The following NCKIPSD variants were observed in gnomAD, a reference collection of about 807,000 sequenced individuals.
NCKIPSD encodes the protein NCK interacting protein with SH3 domain.
A neutral mutation model predicts 73.4 loss-of-function variants in NCKIPSD; 48 were observed. The observed-to-expected ratio is 0.65, with a 90% CI of 0.52 to 0.83. The LOEUF (loss-of-function observed/expected upper bound fraction) is 0.83. NCKIPSD is among the 40% of genes least tolerant of loss of function. The pLI is 0.00. For missense variants in NCKIPSD, 884 were observed against 970.2 expected (o/e 0.91, Z 1.18); for synonymous variants, 422 against 403.6 (o/e 1.05, Z -0.54).
chr3:48,677,127 A>G (rs1391157352), intron 12 of NCKIPSD, among the ~76,000 whole-genome samples: 2 of 149,872 alleles, frequency 1.3e-5, no homozygotes, highest in Non-Finnish European at 3.0e-5. Flanking sequence ...GGTGGCTCAC[A>G]CCTGTAATCC....
At chr3:48,684,128 G>A (rs773399204) in intron 1 of NCKIPSD, among the ~76,000 whole-genome samples, 1 of 152,156 alleles carries the variant, frequency 6.6e-6, no homozygotes, top group Non-Finnish European at 1.5e-5. Flanking sequence ...GCCAGAGTGT[G>A]GGGGGAGCCG....
At chr3:48,683,652 A>G (rs2077389915) in intron 1 of NCKIPSD, among the ~76,000 whole-genome samples, 1 of 152,142 alleles carries the variant, frequency 6.6e-6, no homozygotes, top group African/African-American at 2.4e-5. Flanking sequence ...AAGGATAAAC[A>G]TGAGAGAGGG....
chr3:48,674,313 A>G lies in NCKIPSD; in HGVS notation c.*231T>C. On this transcript the variant is annotated 3_prime_UTR_variant, in exon 13 of 13. Coordinates refer to ENST00000294129, the MANE Select transcript of NCKIPSD (RefSeq NM_016453.4). The stretch of plus-strand genomic sequence containing the variant: ...TGCTGAAGAGGAAGCCTACCAGGGT[A>G]TAGAGGGGCTTTAGCTTGCATATTC... 2.2e-6 allele frequency: 3 copies of G among 1,394,198 alleles called. No individual in the cohort carries two copies. Among genetic ancestry groups the G allele is most frequent in the Non-Finnish European group, 2.8e-6 (3 of 1,072,716 alleles). 86.4% of individuals were successfully genotyped at this position (1,394,198 alleles called of 1,614,324 possible).
At chr3:48,685,551 G>C in intron 1 of NCKIPSD, 86 bp downstream of exon 1, 1 of 1,421,466 alleles carries the variant, frequency 7.0e-7, no homozygotes. Flanking sequence ...TCCCGGAGAG[G>C]GTGGGGTCCC....
intron 7 of NCKIPSD, 38 bp from the exon 8 acceptor site, chr3:48,679,751 C>T (rs1207605335): frequency 6.2e-7 from 1 of 1,614,140 alleles, no homozygotes; most frequent in South Asian, 1.1e-5. Flanking sequence ...CCTGGAACTC[C>T]CCCACTATCT....
At chr3:48,685,578 G>A in intron 1 of NCKIPSD, 59 bp downstream of exon 1, 1 of 1,465,452 alleles carries the variant, frequency 6.8e-7, no homozygotes, top group Non-Finnish European at 9.0e-7. Context: ...GGTTCCGCGG[G>A]GCTGTGAAGG....
In NCKIPSD at chr3:48,680,035, A is replaced by G. The variant is rs1179800255; in HGVS notation, c.1263+24T>C. On this transcript the variant is annotated intron_variant, in intron 6 of 12. Transcript: ENST00000294129. The stretch of plus-strand genomic sequence containing the variant: ...GGGGCCACTGTTCCCCATGTGGGGT[A>G]TGTGTGTGGGACCCCACCCTTACCA... 7 of 1,605,490 alleles carry G rather than the reference A, an allele frequency of 4.4e-6. No individual in the cohort carries two copies. In the Admixed American group the frequency reaches 1.0e-4, roughly 23 times the overall value.
At chr3:48,682,221 CCT>C in intron 3 of NCKIPSD, 65 bp from the exon 4 acceptor site, 1 of 1,566,326 alleles carries the variant, frequency 6.4e-7, no homozygotes. Context: ...AGGCTCGGGC[CCT>C]GAGCCCTGGC....
Position 48,674,112 on chromosome 3 carries a change from C to T in NCKIPSD, c.*432G>A, listed in dbSNP as rs545078002. ...GAGGGGAGGACATGAGCAGCACTCA[C>T]TGCAAAGCTAAGGCAAAGAATAGAG... On this transcript the variant is annotated 3_prime_UTR_variant, in exon 13 of 13. Transcript: ENST00000294129. 6 of 1,113,922 alleles carry T rather than the reference C, an allele frequency of 5.4e-6. No homozygotes were observed. The South Asian group carries it at 1.9e-4, about 35-fold the overall frequency. 69.0% of individuals were successfully genotyped at this position (1,113,922 alleles called of 1,614,324 possible).
rs34397126 is a variant in NCKIPSD at position 48,679,684 on chromosome 3, G to A, written c.1380C>T (p.Leu460=). 2.3e-3 allele frequency: 3,725 copies of A among 1,614,198 alleles called. 82 individuals carry two copies. In the African/African-American group the frequency reaches 0.042, roughly 18 times the overall value. The change falls in exon 8 of 13, where the codon CTC becomes CTT. Residue 460 remains leucine (L), a synonymous_variant. Transcript: ENST00000294129. ...MEHRASLRLL[L]LKCFGAMCSL... is the part of the protein sequence containing the mutation. ...TGCACATGGCGCCAAAGCACTTGAGGAGCAGCAGCCGCAGTGATGCTCGGT... is the reference window on the plus strand; with the variant it reads ...TGCACATGGCGCCAAAGCACTTGAGAAGCAGCAGCCGCAGTGATGCTCGGT...
chr3:48,676,816 G>T (rs769817161), intron 12 of NCKIPSD, among the ~76,000 whole-genome samples: 1 of 146,768 alleles, frequency 6.8e-6, no homozygotes, highest in Non-Finnish European at 1.5e-5. Flanking sequence ...TGTCACCCAA[G>T]CTGGAGTGCA....
At position 48,679,572 on chromosome 3, in the gene NCKIPSD, C is replaced by T. The variant is rs746568922; in HGVS notation, c.1489+3G>A. The T allele has an allele frequency of 2.5e-6, 4 of 1,613,814 alleles. No homozygotes were observed. Among genetic ancestry groups the T allele is most frequent in the Non-Finnish European group, 3.4e-6 (4 of 1,179,836 alleles). On this transcript the variant is annotated splice_donor_region_variant and intron_variant, in intron 8 of 12. Coordinates refer to ENST00000294129, the MANE Select transcript of NCKIPSD (RefSeq NM_016453.4). ...TCCCTCCTACCCCGCCCTCCAGCCT[C>T]ACCCTGCGTGTCTGTCTGCATGTCC...
Position 48,674,599 on chromosome 3 carries a change from A to G in NCKIPSD, c.2114T>C (p.Met705Thr). 2 of 1,610,466 alleles carry G rather than the reference A, an allele frequency of 1.2e-6. No homozygotes were observed. The highest frequency in any genetic ancestry group is 1.7e-6 in the Non-Finnish European group (2 of 1,178,368). Reference protein sequence around the residue: ...ETSPQCQMDRMIVREMCKEFL... With the variant: ...ETSPQCQMDRTIVREMCKEFL... ...TTCCTTGCACATCTCTCGGACAATC[A>G]TGCGGTCCATCTGGCACTGGGGTGA... is the stretch of plus-strand genomic sequence containing the variant. The change falls in exon 13 of 13, where the codon ATG becomes ACG. Residue 705 changes from methionine (M) to threonine (T), a missense_variant. Transcript: ENST00000294129.
In NCKIPSD at chr3:48,681,310, G is replaced by A. The variant is rs765575911; in HGVS notation, c.1069C>T (p.Leu357Phe). Residue 357 changes from leucine (L) to phenylalanine (F), a missense_variant, in exon 5 of 13, where the codon CTC becomes TTC. Coordinates refer to ENST00000294129, the MANE Select transcript of NCKIPSD (RefSeq NM_016453.4). The part of the protein sequence containing the change: ...PASSPVMEQV[L>F]LSLVEGKDLS... ...ACCTTGCCCTCTACGAGTGAGAGGA[G>A]GACCTGCTCCATGACTGGTGAGCTG... is the stretch of plus-strand genomic sequence containing the variant. The A allele has an allele frequency of 9.3e-6, 15 of 1,607,826 alleles. No individual in the cohort carries two copies. The South Asian group carries it at 1.5e-4, about 17-fold the overall frequency.
rs759771954 is a variant in NCKIPSD, at chr3:48,681,523, C to G, written c.856G>C (p.Asp286His). 1.9e-6 allele frequency: 3 copies of G among 1,614,174 alleles called. No individual in the cohort carries two copies. The highest frequency in any genetic ancestry group is 2.5e-6 in the Non-Finnish European group (3 of 1,180,044). ...CTCAGTGTACCCAGGGCTTCCAGGTCATCAGAGGCTGAGGTTGTACCAGTT... is the reference window on the plus strand; with the variant it reads ...CTCAGTGTACCCAGGGCTTCCAGGTGATCAGAGGCTGAGGTTGTACCAGTT... ...VATGTTSASD[D>H]LEALGTLSLG... Residue 286 changes from aspartate to histidine, a missense_variant, in exon 5 of 13, where the codon GAC becomes CAC. Physicochemically the swap from Asp to His is moderately conservative, Grantham distance 81 (BLOSUM62 -1). Coordinates refer to ENST00000294129, the MANE Select transcript of NCKIPSD (RefSeq NM_016453.4).
At chr3:48,682,838 T>A (rs1001707424) in intron 2 of NCKIPSD, 65 bp downstream of exon 2, 1 of 1,513,652 alleles carries the variant, frequency 6.6e-7, no homozygotes, top group East Asian at 2.5e-5. Context: ...CCCATGACAC[T>A]CATTGAAGAA....
chr3:48,683,352 T>TC (rs1332131041), intron 1 of NCKIPSD, among the ~76,000 whole-genome samples: 1 of 152,166 alleles, frequency 6.6e-6, no homozygotes, highest in East Asian at 1.9e-4. Flanking sequence ...CAGGAGCGCA[T>TC]ACCTCGTCTA....
At chr3:48,683,669 C>T (rs1391465470) in intron 1 of NCKIPSD, among the ~76,000 whole-genome samples, 1 of 152,148 alleles carries the variant, frequency 6.6e-6, no homozygotes, top group Non-Finnish European at 1.5e-5. Flanking sequence ...AGGGGCCTAG[C>T]CCCTGTTCCA....
intron 5 of NCKIPSD, 53 bp from the exon 6 acceptor site, chr3:48,680,282 C>T: frequency 3.3e-6 from 5 of 1,511,014 alleles, no homozygotes; most frequent in Non-Finnish European, 3.5e-6. Context: ...CTCACCATCT[C>T]CAGGGAGCCT....
Sources: allele counts gnomAD v4.1 joint callset (sites outside exome capture counted in the v4.1 genomes callset), GRCh38; gene constraint gnomAD v4.1.1; transcripts MANE v1.5; gene names NCBI Gene and HGNC (gene_info 2026-07-23, HGNC 2026-07-21).